SND1: variants seen among roughly 807,000 people sequenced by gnomAD.
SND1 encodes the protein staphylococcal nuclease and tudor domain containing 1.
Under a neutral mutation model 121.7 loss-of-function variants are expected in SND1, and 38 were observed. The ratio of observed to expected loss-of-function variants is 0.31; its 90% CI spans 0.24 to 0.41. The LOEUF (loss-of-function observed/expected upper bound fraction) is 0.41, where lower values mean the gene tolerates loss of function less well. Among genes scored for constraint, SND1 ranks in the 10% least tolerant of loss-of-function variants. The pLI, the probability that SND1 is intolerant of heterozygous loss-of-function variation, is 1.00. For synonymous variants in SND1, 401 were observed against 447.4 expected (o/e 0.90, Z 1.31); for missense variants, 868 against 1,184.6 (o/e 0.73, Z 3.92).
Position 128,028,806 on chromosome 7 carries a change from G to A in SND1, c.1779+37750G>A, listed in dbSNP as rs565861017. ...TTCTGTCCAGTGGGCCCCATGTGCT[G>A]GTTTGTAGGTGTTGTAGTTAATATG... On this transcript the variant is annotated intron_variant, in intron 16 of 23. Transcript: ENST00000354725. 3.1e-6 allele frequency: 5 copies of A among 1,614,130 alleles called. No homozygotes were observed. The African/African-American group carries it at 6.7e-5, about 22-fold the overall frequency.
intron 10 of SND1, among the ~76,000 whole-genome samples, chr7:127,796,746 C>T (rs1191268925): frequency 1.3e-5 from 2 of 152,098 alleles, no homozygotes; most frequent in East Asian, 3.8e-4. Flanking sequence ...TTATATTTGC[C>T]AAAATGTTCC....
chr7:127,729,112 A>G (rs1796630286), intron 10 of SND1, among the ~76,000 whole-genome samples: 1 of 152,064 alleles, frequency 6.6e-6, no homozygotes, highest in Non-Finnish European at 1.5e-5. Flanking sequence ...AGTTCAGTCC[A>G]CCAGAGGGGT....
intron 1 of SND1, among the ~76,000 whole-genome samples, chr7:127,682,630 C>CGG: frequency 6.6e-6 from 1 of 152,310 alleles, no homozygotes; most frequent in South Asian, 2.1e-4. Context: ...ACAGCTTTGG[C>CGG]AGACTAATTA....
chr7:127,949,082 A>G (rs1233652904), intron 15 of SND1: 2 of 152,254 alleles, frequency 1.3e-5, no homozygotes, highest in Non-Finnish European at 1.5e-5. Context: ...AACAGTTGCT[A>G]TGAGAACCTT....
chr7:127,898,699 T>C (rs1800166347), intron 13 of SND1, among the ~76,000 whole-genome samples: 1 of 152,212 alleles, frequency 6.6e-6, no homozygotes, highest in African/African-American at 2.4e-5. Flanking sequence ...TCATTTTTCC[T>C]TGATTATTTA....
intron 15 of SND1, among the ~76,000 whole-genome samples, chr7:127,989,339 A>C (rs914574287): frequency 6.6e-6 from 1 of 152,084 alleles, no homozygotes; most frequent in African/African-American, 2.4e-5. Flanking sequence ...GATGTGGTGT[A>C]TTCCATTTGT....
intron 10 of SND1, among the ~76,000 whole-genome samples, chr7:127,739,921 G>A (rs1796847201): frequency 6.6e-6 from 1 of 152,222 alleles, no homozygotes; most frequent in South Asian, 2.1e-4. Context: ...AAGTCTTAAA[G>A]TCATGGTGGT....
chr7:127,706,896 C>G (rs712718), intron 8 of SND1, among the ~76,000 whole-genome samples: 41,936 of 152,100 alleles, frequency 0.28, 7,289 homozygotes, highest in East Asian at 0.7. Flanking sequence ...AATAATAGTT[C>G]CTTTTCACTG....
chr7:128,054,549 A>G (rs546407972), intron 16 of SND1, among the ~76,000 whole-genome samples: 1 of 152,314 alleles, frequency 6.6e-6, no homozygotes, highest in Non-Finnish European at 1.5e-5. Context: ...GGCATTAGCA[A>G]TGGTTCAAAG....
intron 15 of SND1, among the ~76,000 whole-genome samples, chr7:127,934,667 C>T (rs1026572608): frequency 6.6e-6 from 1 of 152,020 alleles, no homozygotes; most frequent in African/African-American, 2.4e-5. Context: ...TTTGAGCAAT[C>T]TGGTAGATTG....
chr7:127,733,806 T>C (rs972237539), intron 10 of SND1, among the ~76,000 whole-genome samples: 1 of 152,062 alleles, frequency 6.6e-6, no homozygotes, highest in African/African-American at 2.4e-5. Flanking sequence ...CTTCTTTTCA[T>C]GGTTTCTCTC....
intron 16 of SND1, among the ~76,000 whole-genome samples, chr7:128,031,802 C>T (rs1294037366): frequency 6.8e-6 from 1 of 147,336 alleles, no homozygotes; most frequent in Non-Finnish European, 1.5e-5. Flanking sequence ...CTGCCCGGCC[C>T]CCGGCGCGCC....
chr7:127,773,751 T>G (rs1416569863), intron 10 of SND1, among the ~76,000 whole-genome samples: 2 of 152,176 alleles, frequency 1.3e-5, no homozygotes, highest in African/African-American at 4.8e-5. Flanking sequence ...AAATTCTACT[T>G]TTTTGAAGTG....
At chr7:128,078,270 G>A (rs1793540029) in intron 17 of SND1, among the ~76,000 whole-genome samples, 1 of 152,198 alleles carries the variant, frequency 6.6e-6, no homozygotes, top group South Asian at 2.1e-4. Flanking sequence ...AGGAACAGCT[G>A]GTCACCTCCA....
chr7:127,924,789 G>A (rs1249817503), intron 14 of SND1, among the ~76,000 whole-genome samples: 1 of 152,174 alleles, frequency 6.6e-6, no homozygotes, highest in African/African-American at 2.4e-5. Flanking sequence ...TGTATACACA[G>A]CAAGGTACTT....
intron 16 of SND1, among the ~76,000 whole-genome samples, chr7:128,073,895 G>C (rs1284184812): frequency 6.6e-6 from 1 of 152,124 alleles, no homozygotes; most frequent in Non-Finnish European, 1.5e-5. Flanking sequence ...AGGGCTCTGG[G>C]GTTCAGCCAC....
chr7:127,670,118 G>A (rs1170339992), intron 1 of SND1, among the ~76,000 whole-genome samples: 2 of 151,886 alleles, frequency 1.3e-5, no homozygotes, highest in African/African-American at 2.4e-5. Context: ...ACCCTCCTGA[G>A]TAGCTGGGAT....
At position 128,009,773 on chromosome 7, in the gene SND1, CTT is replaced by C. The variant is rs35016140; in HGVS notation, c.1779+18731_1779+18732del. Among the ~76,000 whole-genome samples the C allele has an allele frequency of 3.2e-3, 464 of 144,818 alleles. 1 individual carries two copies. The highest frequency in any genetic ancestry group is 5.8e-3 in the South Asian group (26 of 4,520). ...GCCAGTGAGTGTGTTTTCTCAATAA[CTT>C]TTTTTTTTTTTTTGACCCTTATCTC... is the stretch of plus-strand genomic sequence containing the variant. On this transcript the variant is annotated intron_variant, in intron 16 of 23. Coordinates refer to ENST00000354725, the MANE Select transcript of SND1 (RefSeq NM_014390.4).
chr7:127,682,935 A>G (rs972088), intron 1 of SND1, among the ~76,000 whole-genome samples: 49,805 of 152,134 alleles, frequency 0.33, 9,069 homozygotes, highest in Admixed American at 0.42. Flanking sequence ...CTGAGAAGAA[A>G]AACGGCTTGT....
Sources: allele counts gnomAD v4.1 joint callset (sites outside exome capture counted in the v4.1 genomes callset), GRCh38; gene constraint gnomAD v4.1.1; transcripts MANE v1.5; gene names NCBI Gene and HGNC (gene_info 2026-07-23, HGNC 2026-07-21).